DGCR8: variants seen among roughly 807,000 people sequenced by gnomAD.
DGCR8 encodes DGCR8 microprocessor complex subunit.
Under a neutral mutation model 78.5 loss-of-function variants are expected in DGCR8, and 14 were observed. That is an observed-to-expected ratio of 0.18 (90% CI 0.12 to 0.28). The LOEUF (loss-of-function observed/expected upper bound fraction) is 0.28. Among genes scored for constraint, DGCR8 ranks in the 10% least tolerant of loss-of-function variants. DGCR8 has a pLI of 1.00. For missense variants in DGCR8, 702 were observed against 1,022.5 expected, an observed-to-expected ratio of 0.69 and a Z score of 4.28; for synonymous variants, 399 against 402.4, an observed-to-expected ratio of 0.99 and a Z score of 0.10.
intron 1 of DGCR8, among the ~76,000 whole-genome samples, chr22:20,083,200 G>A (rs2049437263): frequency 1.3e-5 from 2 of 152,204 alleles, no homozygotes; most frequent in African/African-American, 4.8e-5. Context: ...TCCTAAAACT[G>A]CCTCCCCTTC....
At chr22:20,102,766 C>CA (rs1305225291) in intron 9 of DGCR8, among the ~76,000 whole-genome samples, 2 of 152,140 alleles carry the variant, frequency 1.3e-5, no homozygotes, top group Non-Finnish European at 2.9e-5. Flanking sequence ...TATTCTTTCT[C>CA]AAAAAATTGT....
At position 20,086,338 on chromosome 22, in the gene DGCR8, C is replaced by T. The variant is rs372483452; in HGVS notation, c.375C>T (p.Thr125=). 1.7e-5 allele frequency: 28 copies of T among 1,613,908 alleles called. No homozygotes were observed. Among genetic ancestry groups the T allele is most frequent in the Middle Eastern group, 1.6e-4 (1 of 6,084 alleles). The change falls in exon 2 of 14, where the codon ACC becomes ACT. Residue 125 remains threonine (T), a synonymous_variant. Coordinates refer to ENST00000351989, the MANE Select transcript of DGCR8 (RefSeq NM_022720.7). The surrounding 1 kb of genome is among the most constrained non-coding windows in gnomAD (Gnocchi z 6.4). ...ATGTAAAGATTAGCGTGAGCTTTACCGAGAGCTGCAGGAGTAAGGACAGGA... is the reference window on the plus strand; with the variant it reads ...ATGTAAAGATTAGCGTGAGCTTTACTGAGAGCTGCAGGAGTAAGGACAGGA... ...LKDVKISVSF[T]ESCRSKDRKV... is the part of the protein sequence containing the mutation.
rs2049433341 is a variant in DGCR8, at chr22:20,082,806, G to T, written c.-278+2423G>T. On this transcript the variant is annotated intron_variant, in intron 1 of 13. Coordinates refer to ENST00000351989, the MANE Select transcript of DGCR8 (RefSeq NM_022720.7). The stretch of plus-strand genomic sequence containing the variant: ...TGTGGGTGAACCTTTCTTCCATAAT[G>T]CTATGTGAGACCTGGGTGAGTTAAA... 1.3e-5 allele frequency among the ~76,000 whole-genome samples: 2 copies of T among 152,230 alleles called. 1 individual carries two copies. Among genetic ancestry groups the T allele is most frequent in the South Asian group, 4.1e-4 (2 of 4,834 alleles).
rs890406250 is a variant in DGCR8 at position 20,080,314 on chromosome 22, G to A, written c.-347G>A. ...GACAGGCTTTCCAGATGGCTGCGGCGGTCGGTCGGTGAGGCTTTCCCGGCT... is the reference window on the plus strand; with the variant it reads ...GACAGGCTTTCCAGATGGCTGCGGCAGTCGGTCGGTGAGGCTTTCCCGGCT... On this transcript the variant is annotated 5_prime_UTR_variant, in exon 1 of 14. Coordinates refer to ENST00000351989, the MANE Select transcript of DGCR8 (RefSeq NM_022720.7). The A allele has an allele frequency of 5.0e-5, 49 of 981,026 alleles. No individual in the cohort carries two copies. In the South Asian group the frequency reaches 1.9e-3, roughly 39 times the overall value. The allele number at this position is 981,026 out of a possible 1,614,324, so 60.8% of individuals were successfully genotyped here.
intron 9 of DGCR8, chr22:20,101,803 C>G: frequency 1.0e-6 from 1 of 985,356 alleles, no homozygotes; most frequent in South Asian, 4.7e-5. Flanking sequence ...GTGCCAACAC[C>G]TGTCCTTGGA....
Position 20,091,572 on chromosome 22 carries a change from A to G in DGCR8, c.1444A>G (p.Ile482Val). ...GAAGCAGGCGGAGTCCGAGAGGCCC[A>G]TCTTGCCAGCCAATCAGAAGCTCAT... ...KRKQAESERPILPANQKLITL... is the reference protein window; with the variant it reads ...KRKQAESERPVLPANQKLITL... Residue 482 changes from isoleucine to valine, a missense_variant, in exon 6 of 14, where the codon ATC becomes GTC. This residue lies in a region of DGCR8 where 225 missense variants were observed against 427.7 expected (regional missense o/e 0.53). Coordinates refer to ENST00000351989, the MANE Select transcript of DGCR8 (RefSeq NM_022720.7). 1 of 1,614,238 alleles carries G rather than the reference A, an allele frequency of 6.2e-7. No individual in the cohort carries two copies.
chr22:20,099,068 A>C (rs1195926738), intron 9 of DGCR8, among the ~76,000 whole-genome samples: 2 of 152,112 alleles, frequency 1.3e-5, no homozygotes, highest in Non-Finnish European at 2.9e-5. Flanking sequence ...TGAGCCAGTA[A>C]GTCTCCCGGC....
intron 9 of DGCR8, among the ~76,000 whole-genome samples, chr22:20,097,256 CA>C (rs1263021989): frequency 1.3e-5 from 2 of 152,144 alleles, no homozygotes; most frequent in Non-Finnish European, 1.5e-5. Context: ...GATTGGTGTT[CA>C]TTTTTTAAAT....
intron 9 of DGCR8, among the ~76,000 whole-genome samples, chr22:20,103,575 C>A (rs2049731428): frequency 6.6e-6 from 1 of 151,998 alleles, no homozygotes; most frequent in Admixed American, 6.6e-5. Context: ...GTATATGTTC[C>A]TTTTCATGTG....
chr22:20,086,182 T>C lies in DGCR8; in HGVS notation c.219T>C (p.Ser73=). ...ACCCCTTCAACTTCTACGGAGCTTC[T>C]CTTCTCTCCAAAGGATCCTTCTCTA... The part of the protein sequence containing the change: ...AEDPFNFYGA[S]LLSKGSFSKG... The change falls in exon 2 of 14, where the codon TCT becomes TCC. Residue 73 remains serine, a synonymous_variant. Coordinates refer to ENST00000351989, the MANE Select transcript of DGCR8 (RefSeq NM_022720.7). The surrounding 1 kb of genome is among the most constrained non-coding windows in gnomAD (Gnocchi z 6.4). 6.2e-7 allele frequency: 1 copy of C among 1,614,150 alleles called. No homozygotes were observed. Among genetic ancestry groups the C allele is most frequent in the Non-Finnish European group, 8.5e-7 (1 of 1,180,042 alleles).
intron 13 of DGCR8, among the ~76,000 whole-genome samples, 170 bp from the exon 14 acceptor site, chr22:20,109,855 C>T (rs2049814070): frequency 6.6e-6 from 1 of 152,214 alleles, no homozygotes; most frequent in Non-Finnish European, 1.5e-5. Flanking sequence ...CTCAGGCTGG[C>T]CTGCCCCAGG....
intron 1 of DGCR8, among the ~76,000 whole-genome samples, chr22:20,081,591 C>T (rs62222181): frequency 0.034 from 5,139 of 152,276 alleles, 147 homozygotes; most frequent in Admixed American, 0.078. Context: ...GGCTGGCTTG[C>T]CCAGTCTTAG....
At chr22:20,101,693 C>T (rs1259181167) in intron 9 of DGCR8, 1 of 985,374 alleles carries the variant, frequency 1.0e-6, no homozygotes, top group South Asian at 4.7e-5. Context: ...ACAGGGGTGG[C>T]CATCTCCTGT....
intron 5 of DGCR8, among the ~76,000 whole-genome samples, chr22:20,090,872 A>C (rs1002744605): frequency 1.3e-5 from 2 of 152,166 alleles, no homozygotes; most frequent in Non-Finnish European, 2.9e-5. Context: ...ATTTGTCTGT[A>C]CATCACTACC....
At chr22:20,098,994 G>A (rs2049663508) in intron 9 of DGCR8, among the ~76,000 whole-genome samples, 1 of 152,174 alleles carries the variant, frequency 6.6e-6, no homozygotes, top group African/African-American at 2.4e-5. Flanking sequence ...TGTGGCCACT[G>A]AATACACGGG....
Position 20,086,389 on chromosome 22 carries a change from C to T in DGCR8, c.426C>T (p.Arg142=), listed in dbSNP as rs747821585. The T allele has an allele frequency of 7.4e-6, 12 of 1,613,874 alleles. No individual in the cohort carries two copies. The South Asian group carries it at 9.9e-5, about 13-fold the overall frequency. The change falls in exon 2 of 14, where the codon CGC becomes CGT. Residue 142 remains arginine, a synonymous_variant. Transcript: ENST00000351989. This position sits in a 1 kb window ranked among gnomAD's most constrained non-coding sequence, Gnocchi z 6.4. ...DRKVLYTGAE[R]DVRAECGLLL... ...AGGTGCTGTACACAGGAGCAGAGCG[C>T]GACGTGCGGGCGGAGTGCGGTCTGC...
intron 8 of DGCR8, among the ~76,000 whole-genome samples, chr22:20,093,632 C>T (rs141451565): frequency 1.9e-3 from 297 of 152,320 alleles, no homozygotes; most frequent in African/African-American, 6.7e-3. Flanking sequence ...GGTGCTGGCT[C>T]TTACCGGCAC....
Position 20,110,047 on chromosome 22 carries a change from A to G in DGCR8, c.2261A>G (p.Lys754Arg), listed in dbSNP as rs1045104140. The G allele has an allele frequency of 1.2e-6, 2 of 1,613,778 alleles. No individual in the cohort carries two copies. The highest frequency in any genetic ancestry group is 1.7e-6 in the Non-Finnish European group (2 of 1,180,022). The change falls in exon 14 of 14, where the codon AAG becomes AGG. Residue 754 changes from lysine to arginine, a missense_variant. Transcript: ENST00000351989. The stretch of plus-strand genomic sequence containing the variant: ...CAGGAGGAGACTCGAAAGAAGCCCA[A>G]GATGTCCATTGTGGCGTCCGCCCAG... ...EEREETRKKP[K>R]MSIVASAQPG...
chr22:20,097,558 T>G (rs939507718), intron 9 of DGCR8, among the ~76,000 whole-genome samples: 1 of 152,180 alleles, frequency 6.6e-6, no homozygotes, highest in African/African-American at 2.4e-5. Context: ...TTTGAGGCTT[T>G]CTTCTTTTTC....
Sources: allele counts gnomAD v4.1 joint callset (sites outside exome capture counted in the v4.1 genomes callset), GRCh38; gene constraint gnomAD v4.1.1; regional missense constraint gnomAD v4.1.1; non-coding constraint Gnocchi (gnomAD v3.1); transcripts MANE v1.5; gene names NCBI Gene and HGNC (gene_info 2026-07-23, HGNC 2026-07-21).